RARB: variants seen among roughly 807,000 people sequenced by gnomAD.
RARB encodes the protein HBV-activated protein.
In RARB, 17 loss-of-function variants were observed where a neutral mutation model predicts 51.9. The observed-to-expected ratio is 0.33, with a 90% CI of 0.22 to 0.49. The LOEUF is 0.49. Ranked by LOEUF, RARB falls within the 20% of genes least tolerant of loss-of-function variation. The pLI is 0.99. For synonymous variants in RARB, 215 were observed against 195.4 expected, an observed-to-expected ratio of 1.10 and a Z score of -0.84; for missense variants, 369 against 550.8, an observed-to-expected ratio of 0.67 and a Z score of 3.30.
At chr3:25,208,363 C>G (rs749375734) in intron 5 of RARB, among the ~76,000 whole-genome samples, 40 of 152,194 alleles carry the variant, frequency 2.6e-4, no homozygotes, top group Non-Finnish European at 5.6e-4. Flanking sequence ...GTCTCATCCA[C>G]TTATAGACAG....
chr3:25,369,251 T>C (rs17016282), intron 5 of RARB, among the ~76,000 whole-genome samples: 15,594 of 152,166 alleles, frequency 0.1, 2,405 homozygotes, highest in African/African-American at 0.34. Context: ...TATATGACAC[T>C]GTAAGGCATT....
At chr3:25,389,649 A>C (rs1351786) in intron 5 of RARB, among the ~76,000 whole-genome samples, 105,276 of 151,974 alleles carry the variant, frequency 0.69, 36,801 homozygotes, top group East Asian at 0.91. Flanking sequence ...TCCATTCATT[A>C]ATTTTACAAG....
In RARB at chr3:25,393,425, C is replaced by G. The variant is rs192478173; in HGVS notation, c.179-67768C>G. On this transcript the variant is annotated intron_variant, in intron 5 of 11. Transcript: ENST00000383772. ...TCATAAAATGATTTAGGGAGGATTT[C>G]CTCTTTCTCTGTCTTTTGTAATAGT... 2.0e-5 allele frequency among the ~76,000 whole-genome samples: 3 copies of G among 152,054 alleles called. No individual in the cohort carries two copies. The South Asian group carries it at 6.2e-4, about 32-fold the overall frequency.
intron 3 of RARB, among the ~76,000 whole-genome samples, chr3:25,107,031 G>A (rs550142144): frequency 6.6e-6 from 1 of 152,154 alleles, no homozygotes; most frequent in East Asian, 1.9e-4. Flanking sequence ...CTCCCGAATA[G>A]CTGGGATTAC....
At chr3:25,345,978 G>A in intron 5 of RARB, 1 of 729,538 alleles carries the variant, frequency 1.4e-6, no homozygotes, top group South Asian at 6.3e-5. Flanking sequence ...GCAGTTTGGG[G>A]CTGGCTCCGA....
intron 5 of RARB, among the ~76,000 whole-genome samples, chr3:25,227,884 T>G (rs543265700): frequency 6.6e-6 from 1 of 152,224 alleles, no homozygotes; most frequent in South Asian, 2.1e-4. Context: ...TTAGAATGAC[T>G]TTTTTGTCTT....
At chr3:25,009,046 A>G (rs902498224) in intron 2 of RARB, among the ~76,000 whole-genome samples, 20 of 152,162 alleles carry the variant, frequency 1.3e-4, no homozygotes, top group African/African-American at 4.6e-4. Context: ...CCTGCTAAGA[A>G]GTTGCTGGTC....
intron 5 of RARB, among the ~76,000 whole-genome samples, chr3:25,375,427 GTTACCACCTTACTAAGGAGC>G (rs1427425594): frequency 1.3e-5 from 2 of 152,138 alleles, no homozygotes; most frequent in Non-Finnish European, 2.9e-5. Flanking sequence ...AATATCAGTG[GTTACCACCTTACTAAGGAGC>G]TTTGCAATAA....
chr3:25,107,881 T>C (rs1025935952), intron 3 of RARB, among the ~76,000 whole-genome samples: 13 of 152,226 alleles, frequency 8.5e-5, no homozygotes, highest in Non-Finnish European at 5.9e-5. Context: ...ATAATTTTTC[T>C]TTCCTTATTA....
intron 5 of RARB, among the ~76,000 whole-genome samples, chr3:25,592,718 G>A (rs1234225700): frequency 6.6e-6 from 1 of 152,238 alleles, no homozygotes; most frequent in Admixed American, 6.5e-5. Flanking sequence ...CTCTGGCAGA[G>A]TGACTCAGGC....
intron 1 of RARB, among the ~76,000 whole-genome samples, chr3:25,435,290 AG>A (rs1708385438): frequency 2.0e-5 from 3 of 152,238 alleles, no homozygotes; most frequent in African/African-American, 7.2e-5. Context: ...TGCAGGTAAA[AG>A]AACAAATAAG....
intron 3 of RARB, among the ~76,000 whole-genome samples, chr3:25,126,561 T>G (rs1009426778): frequency 5.3e-5 from 8 of 152,150 alleles, no homozygotes; most frequent in African/African-American, 1.9e-4. Flanking sequence ...TTTCAAACTT[T>G]CATGTGCACA....
intron 3 of RARB, among the ~76,000 whole-genome samples, chr3:25,553,419 C>A (rs1699925969): frequency 1.3e-5 from 2 of 152,122 alleles, no homozygotes. Flanking sequence ...TTAGACCCAG[C>A]TATTTGTGAG....
intron 5 of RARB, among the ~76,000 whole-genome samples, chr3:25,373,165 T>A: frequency 6.6e-6 from 1 of 151,982 alleles, no homozygotes; most frequent in East Asian, 1.9e-4. Flanking sequence ...AAGTCTAGAG[T>A]TGAGGAGGAT....
chr3:24,875,379 C>T (rs1703023281), intron 2 of RARB, among the ~76,000 whole-genome samples: 1 of 152,110 alleles, frequency 6.6e-6, no homozygotes, highest in South Asian at 2.1e-4. Flanking sequence ...GCTCCGGACT[C>T]ATTTTTTAGG....
intron 3 of RARB, among the ~76,000 whole-genome samples, chr3:25,112,797 A>G (rs1376744610): frequency 6.6e-6 from 1 of 152,110 alleles, no homozygotes; most frequent in Non-Finnish European, 1.5e-5. Flanking sequence ...AAAAAAGCCA[A>G]TGGTTTTCCT....
chr3:24,890,741 A>G (rs996760724), intron 2 of RARB, among the ~76,000 whole-genome samples: 5 of 152,206 alleles, frequency 3.3e-5, no homozygotes, highest in Admixed American at 6.5e-5. Flanking sequence ...ACCCTTGAAT[A>G]TAGAGGTCTC....
intron 1 of RARB, among the ~76,000 whole-genome samples, chr3:25,445,787 C>T (rs555558036): frequency 9.9e-5 from 15 of 152,110 alleles, no homozygotes; most frequent in South Asian, 2.1e-4. Context: ...GCAATTGGAG[C>T]GAAAAGATGG....
At chr3:25,372,694 C>A (rs1007763697) in intron 5 of RARB, among the ~76,000 whole-genome samples, 1 of 152,056 alleles carries the variant, frequency 6.6e-6, no homozygotes, top group Admixed American at 6.5e-5. Context: ...GGCATGGTGG[C>A]GCATGCCTGT....
Sources: gnomAD v4.1 joint callset for allele counts (sites outside exome capture counted in the v4.1 genomes callset) on GRCh38, gnomAD v4.1.1 for gene constraint, MANE v1.5 for transcripts, NCBI Gene and HGNC (gene_info 2026-07-23, HGNC 2026-07-21) for gene names.